THRB: variants seen among roughly 807,000 people sequenced by gnomAD.
THRB encodes thyroid hormone receptor beta.
A neutral mutation model predicts 47.8 loss-of-function variants in THRB; 12 were observed. That is an observed-to-expected ratio of 0.25 (90% CI 0.16 to 0.41). THRB has a LOEUF of 0.41. Ranked by LOEUF, THRB falls within the 10% of genes least tolerant of loss-of-function variation. The pLI, the probability that THRB is intolerant of heterozygous loss-of-function variation, is 1.00. For missense variants in THRB, 348 were observed against 589.2 expected (o/e 0.59, Z 4.24); for synonymous variants, 218 against 212.2 (o/e 1.03, Z -0.24).
intron 5 of THRB, among the ~76,000 whole-genome samples, chr3:24,171,647 TG>T (rs1158339251): frequency 6.6e-6 from 1 of 152,176 alleles, no homozygotes; most frequent in Non-Finnish European, 1.5e-5. Flanking sequence ...TTTTCCCACC[TG>T]GGCCTAGTGT....
chr3:24,134,438 A>T (rs891026576), intron 8 of THRB, among the ~76,000 whole-genome samples: 7 of 152,192 alleles, frequency 4.6e-5, no homozygotes, highest in Admixed American at 3.9e-4. Context: ...GTGGCCTACA[A>T]GTGAGCCAGC....
chr3:24,457,292 T>C (rs1430271396), intron 1 of THRB, among the ~76,000 whole-genome samples: 1 of 152,204 alleles, frequency 6.6e-6, no homozygotes, highest in Non-Finnish European at 1.5e-5. Flanking sequence ...TAAATTCTTT[T>C]ATCCTCTTGA....
chr3:24,254,199 TAAAAAAAAAAAAAAAAAAAAAA>T (rs57275069), intron 3 of THRB, among the ~76,000 whole-genome samples: 1,048 of 34,598 alleles, frequency 0.03, 36 homozygotes, highest in African/African-American at 0.1. Flanking sequence ...CTGTCTCTAC[TAAAAAAAAAAAAAAAAAAAAAA>T]AAAAAAAAAA....
rs183835730 is a variant in THRB, at chr3:24,208,369, A to G, written c.23-18035T>C. ...ACTACTTTAAAGTTCATATGGAACG[A>G]AAAAAGAGCCCGCATTGCCAAGACA... On this transcript the variant is annotated intron_variant, in intron 4 of 10. Transcript: ENST00000646209. 8.5e-3 allele frequency among the ~76,000 whole-genome samples: 1,295 copies of G among 152,356 alleles called. 19 individuals carry two copies. Among genetic ancestry groups the G allele is most frequent in the East Asian group, 0.06 (310 of 5,186 alleles).
At chr3:24,178,487 T>C (rs1201432331) in intron 5 of THRB, among the ~76,000 whole-genome samples, 3 of 152,020 alleles carry the variant, frequency 2.0e-5, no homozygotes, top group Admixed American at 2.0e-4. Context: ...TGAGACCTTG[T>C]CTAAAAAAAA....
At chr3:24,471,103 T>G (rs146187639) in intron 1 of THRB, among the ~76,000 whole-genome samples, 100 of 152,346 alleles carry the variant, frequency 6.6e-4, no homozygotes, top group African/African-American at 2.4e-3. Context: ...GACCCAACAT[T>G]GCTACAATAC....
chr3:24,227,047 C>T lies in THRB; in HGVS notation c.22+1891G>A, dbSNP rs189830664. 5.3e-3 allele frequency among the ~76,000 whole-genome samples: 809 copies of T among 152,286 alleles called. 7 individuals carry two copies. The highest frequency in any genetic ancestry group is 6.7e-3 in the Non-Finnish European group (457 of 68,018). ...ACCTAGAACTAATCCCCACAGCAAGCGAAGACCATTTTATTACCTACTTTT... is the reference window on the plus strand; with the variant it reads ...ACCTAGAACTAATCCCCACAGCAAGTGAAGACCATTTTATTACCTACTTTT... On this transcript the variant is annotated intron_variant, in intron 4 of 10. Coordinates refer to ENST00000646209, the MANE Select transcript of THRB (RefSeq NM_001354712.2).
At chr3:24,294,036 G>C (rs2056213265) in intron 3 of THRB, among the ~76,000 whole-genome samples, 1 of 152,170 alleles carries the variant, frequency 6.6e-6, no homozygotes, top group Non-Finnish European at 1.5e-5. Context: ...CTTCTCAATT[G>C]AGCTGACCCT....
At chr3:24,298,659 G>A (rs531554107) in intron 2 of THRB, among the ~76,000 whole-genome samples, 7 of 152,248 alleles carry the variant, frequency 4.6e-5, no homozygotes, top group African/African-American at 9.6e-5. Flanking sequence ...AAGAATTATC[G>A]TCATCTCTAC....
intron 3 of THRB, among the ~76,000 whole-genome samples, chr3:24,289,371 A>C (rs1370520495): frequency 6.6e-6 from 1 of 152,250 alleles, no homozygotes; most frequent in African/African-American, 2.4e-5. Flanking sequence ...AAAACATAAA[A>C]AATTGCCAAC....
chr3:24,142,986 C>T (rs1385579838), intron 8 of THRB, among the ~76,000 whole-genome samples: 1 of 152,182 alleles, frequency 6.6e-6, no homozygotes, highest in East Asian at 1.9e-4. Flanking sequence ...CCAACCCTAT[C>T]CCTACTCCCT....
intron 4 of THRB, among the ~76,000 whole-genome samples, chr3:24,223,041 C>G (rs138371333): frequency 6.6e-6 from 1 of 152,166 alleles, no homozygotes. Flanking sequence ...GAAGCGGAGC[C>G]GAGGGTCGTG....
At chr3:24,325,653 C>T (rs2058756268) in intron 2 of THRB, among the ~76,000 whole-genome samples, 1 of 152,208 alleles carries the variant, frequency 6.6e-6, no homozygotes, top group Non-Finnish European at 1.5e-5. Flanking sequence ...TGCCACTGCA[C>T]TCCAGCCTGG....
chr3:24,117,847 G>A lies in THRB; in HGVS notation c.*5037C>T, dbSNP rs996140937. The A allele has an allele frequency of 1.3e-5, 2 of 152,146 alleles. No homozygotes were observed. Among genetic ancestry groups the A allele is most frequent in the Non-Finnish European group, 2.9e-5 (2 of 68,024 alleles). 9.4% of individuals were successfully genotyped at this position (152,146 alleles called of 1,614,324 possible). A position where few individuals can be genotyped will look rare whatever the true frequency, so the allele number is the denominator to read the frequency against. On this transcript the variant is annotated 3_prime_UTR_variant, in exon 11 of 11. Transcript: ENST00000646209. Reference sequence around the variant, plus strand: ...AGAATCTCAATTAACATGTGTTCAGGGCAACAGAGATTGAGATATATGTTG... The same window carrying A: ...AGAATCTCAATTAACATGTGTTCAGAGCAACAGAGATTGAGATATATGTTG...
intron 4 of THRB, 59 bp from the exon 5 acceptor site, chr3:24,190,393 A>G: frequency 6.2e-7 from 1 of 1,609,866 alleles, no homozygotes; most frequent in South Asian, 1.1e-5. Context: ...TTTTGCTGAG[A>G]TGCAGAGTTT....
At chr3:24,413,802 T>C (rs2068523234) in intron 1 of THRB, among the ~76,000 whole-genome samples, 1 of 151,568 alleles carries the variant, frequency 6.6e-6, no homozygotes, top group Non-Finnish European at 1.5e-5. Flanking sequence ...CACCTATGAG[T>C]GAGAACATAC....
chr3:24,160,158 G>A (rs574631685), intron 5 of THRB, among the ~76,000 whole-genome samples: 10 of 152,258 alleles, frequency 6.6e-5, no homozygotes, highest in African/African-American at 2.2e-4. Flanking sequence ...CTGGAAGAAA[G>A]CATACTGGTT....
At chr3:24,265,813 G>A (rs774401679) in intron 3 of THRB, among the ~76,000 whole-genome samples, 58 of 152,084 alleles carry the variant, frequency 3.8e-4, no homozygotes, top group Non-Finnish European at 7.2e-4. Flanking sequence ...GTAAGGCTAC[G>A]TTACATACTC....
At chr3:24,205,193 C>T (rs1044623124) in intron 4 of THRB, among the ~76,000 whole-genome samples, 7 of 152,152 alleles carry the variant, frequency 4.6e-5, no homozygotes, top group African/African-American at 1.4e-4. Context: ...CTCCAAGACA[C>T]ATAATTGTCA....
Sources: allele counts gnomAD v4.1 joint callset (sites outside exome capture counted in the v4.1 genomes callset), GRCh38; gene constraint gnomAD v4.1.1; transcripts MANE v1.5; gene names NCBI Gene and HGNC (gene_info 2026-07-23, HGNC 2026-07-21).